The following KIF16B variants were observed in gnomAD, a reference collection of about 807,000 sequenced individuals.
The protein encoded by KIF16B is kinesin-like protein KIF16B.
Under a neutral mutation model 156.3 loss-of-function variants are expected in KIF16B, and 98 were observed. The ratio of observed to expected loss-of-function variants is 0.63; its 90% CI spans 0.53 to 0.74. The LOEUF is 0.74. Among genes scored for constraint, KIF16B ranks in the 30% least tolerant of loss-of-function variants. KIF16B has a pLI of 0.00. For synonymous variants in KIF16B, 564 were observed against 583.7 expected, an observed-to-expected ratio of 0.97 and a Z score of 0.49; for missense variants, 1,421 against 1,606.5, an observed-to-expected ratio of 0.88 and a Z score of 1.97.
intron 1 of KIF16B, among the ~76,000 whole-genome samples, chr20:16,557,237 G>C (rs1307211779): frequency 2.0e-5 from 3 of 151,854 alleles, no homozygotes; most frequent in Non-Finnish European, 4.4e-5. Flanking sequence ...CTGGAGTGCA[G>C]TGGCGCAATC....
rs528511810 is a variant in KIF16B, at chr20:16,338,169, C to T, written c.3622-2154G>A. On this transcript the variant is annotated intron_variant, in intron 23 of 25. Transcript: ENST00000354981. Reference sequence around the variant, plus strand: ...TTTCATCTTTGCTGTAACTGAAACCCGGCTCTCCCGTGAGGAAGCACTTCC... The same window carrying T: ...TTTCATCTTTGCTGTAACTGAAACCTGGCTCTCCCGTGAGGAAGCACTTCC... Among the ~76,000 whole-genome samples the T allele has an allele frequency of 2.6e-5, 4 of 152,232 alleles. No individual in the cohort carries two copies. In the East Asian group the frequency reaches 7.7e-4, roughly 29 times the overall value.
intron 12 of KIF16B, among the ~76,000 whole-genome samples, chr20:16,473,367 T>C (rs555151030): frequency 4.7e-4 from 71 of 152,328 alleles, no homozygotes; most frequent in African/African-American, 1.6e-3. Context: ...TACAGAACCA[T>C]ATTAATACTA....
intron 23 of KIF16B, among the ~76,000 whole-genome samples, chr20:16,354,049 T>C (rs1187500419): frequency 6.6e-6 from 1 of 152,224 alleles, no homozygotes; most frequent in Non-Finnish European, 1.5e-5. Flanking sequence ...AGTGATCACC[T>C]AGATTCCATA....
At chr20:16,511,894 T>C (rs1294040892) in intron 5 of KIF16B, among the ~76,000 whole-genome samples, 1 of 152,152 alleles carries the variant, frequency 6.6e-6, no homozygotes, top group African/African-American at 2.4e-5. Context: ...CTCACGTCTG[T>C]AATACACTTT....
intron 15 of KIF16B, among the ~76,000 whole-genome samples, chr20:16,421,674 T>G (rs949395153): frequency 1.3e-5 from 2 of 152,162 alleles, no homozygotes; most frequent in African/African-American, 4.8e-5. Context: ...TCACCTTGCT[T>G]TTTTGTACAA....
intron 23 of KIF16B, among the ~76,000 whole-genome samples, chr20:16,342,544 T>A (rs888072374): frequency 2.6e-5 from 4 of 152,156 alleles, no homozygotes; most frequent in Non-Finnish European, 5.9e-5. Flanking sequence ...AAGGTTCACA[T>A]GAATCAAAGA....
intron 15 of KIF16B, among the ~76,000 whole-genome samples, chr20:16,410,218 T>C (rs927218833): frequency 1.2e-4 from 17 of 145,520 alleles, no homozygotes; most frequent in Non-Finnish European, 2.4e-4. Context: ...CATATACATG[T>C]AGGTACATAT....
chr20:16,297,443 A>G (rs2063404552), intron 25 of KIF16B, among the ~76,000 whole-genome samples: 1 of 152,220 alleles, frequency 6.6e-6, no homozygotes, highest in Non-Finnish European at 1.5e-5. Flanking sequence ...CTGTAATCCC[A>G]GCACTTGGGG....
At chr20:16,429,108 A>G (rs1159204469) in intron 13 of KIF16B, 104 bp from the exon 14 acceptor site, 3 of 936,392 alleles carry the variant, frequency 3.2e-6, no homozygotes, top group Non-Finnish European at 3.5e-6. Flanking sequence ...AATGGGATGA[A>G]CAACATCCTG....
chr20:16,290,183 G>A (rs535847633), intron 25 of KIF16B, among the ~76,000 whole-genome samples: 5 of 152,318 alleles, frequency 3.3e-5, no homozygotes, highest in Admixed American at 3.3e-4. Context: ...ATCTTGCTGT[G>A]TGGTACCTCT....
At chr20:16,457,146 G>A (rs1222597149) in intron 12 of KIF16B, among the ~76,000 whole-genome samples, 1 of 152,032 alleles carries the variant, frequency 6.6e-6, no homozygotes, top group Non-Finnish European at 1.5e-5. Context: ...CTTCATTTTG[G>A]TACATGTTCT....
intron 23 of KIF16B, among the ~76,000 whole-genome samples, chr20:16,349,801 CA>C (rs763566749): frequency 1.3e-5 from 2 of 152,188 alleles, no homozygotes; most frequent in Non-Finnish European, 2.9e-5. Context: ...TGTCTCACTT[CA>C]GGGTCTTTTA....
chr20:16,317,042 T>C (rs993388649), intron 24 of KIF16B, among the ~76,000 whole-genome samples: 5 of 152,136 alleles, frequency 3.3e-5, no homozygotes, highest in African/African-American at 4.8e-5. Context: ...TCTACTCATG[T>C]CCCCCACACA....
chr20:16,475,286 C>G (rs531960006), intron 12 of KIF16B, among the ~76,000 whole-genome samples: 13 of 152,206 alleles, frequency 8.5e-5, no homozygotes, highest in Admixed American at 5.9e-4. Flanking sequence ...CATAACAACC[C>G]GATGAGTTAG....
intron 1 of KIF16B, among the ~76,000 whole-genome samples, chr20:16,534,355 G>T (rs1329361981): frequency 3.3e-5 from 5 of 152,128 alleles, no homozygotes; most frequent in Non-Finnish European, 7.4e-5. Context: ...CCTAGTTCCT[G>T]AAAACACTTA....
At chr20:16,329,330 A>G (rs2063910007) in intron 24 of KIF16B, among the ~76,000 whole-genome samples, 1 of 152,220 alleles carries the variant, frequency 6.6e-6, no homozygotes, top group Admixed American at 6.5e-5. Context: ...CAGAAACAGT[A>G]ACTCTATCTC....
At chr20:16,442,168 G>A (rs558387862) in intron 12 of KIF16B, among the ~76,000 whole-genome samples, 7 of 152,168 alleles carry the variant, frequency 4.6e-5, no homozygotes, top group Middle Eastern at 6.8e-3. Flanking sequence ...TGATACAGAA[G>A]GAACAAGTTC....
At chr20:16,430,062 G>A in intron 12 of KIF16B, 80 bp from the exon 13 acceptor site, 2 of 1,352,694 alleles carry the variant, frequency 1.5e-6, no homozygotes, top group South Asian at 3.1e-5. Context: ...CAGATTGTCA[G>A]AATGGGCAAT....
chr20:16,355,391 T>G (rs2064418998), intron 23 of KIF16B, among the ~76,000 whole-genome samples: 1 of 152,216 alleles, frequency 6.6e-6, no homozygotes, highest in South Asian at 2.1e-4. Flanking sequence ...ATTGTATCAG[T>G]GGGGAAACTG....
Sources: allele counts gnomAD v4.1 joint callset (sites outside exome capture counted in the v4.1 genomes callset), GRCh38; gene constraint gnomAD v4.1.1; transcripts MANE v1.5; gene names NCBI Gene and HGNC (gene_info 2026-07-23, HGNC 2026-07-21).